MCU: variants seen among roughly 807,000 people sequenced by gnomAD.
MCU encodes mitochondrial calcium uniporter, also known as calcium uniporter protein, mitochondrial.
Under a neutral mutation model 45.2 loss-of-function variants are expected in MCU, and 12 were observed. That is an observed-to-expected ratio of 0.27 (90% CI 0.17 to 0.43). The LOEUF (loss-of-function observed/expected upper bound fraction) is 0.43, where lower values mean the gene tolerates loss of function less well. Ranked by LOEUF, MCU falls within the 20% of genes least tolerant of loss-of-function variation. The pLI is 1.00. For synonymous variants in MCU, 160 were observed against 165.1 expected, an observed-to-expected ratio of 0.97 and a Z score of 0.24; for missense variants, 324 against 436.7, an observed-to-expected ratio of 0.74 and a Z score of 2.30.
intron 2 of MCU, among the ~76,000 whole-genome samples, chr10:72,839,052 C>T (rs1007292228): frequency 1.1e-4 from 17 of 151,076 alleles, no homozygotes; most frequent in South Asian, 2.1e-4. Context: ...TGCAGTGGTG[C>T]GGTCTTGGCT....
chr10:72,868,888 T>A, intron 5 of MCU, 25 bp downstream of exon 5: 1 of 1,609,622 alleles, frequency 6.2e-7, no homozygotes, highest in South Asian at 1.1e-5. Flanking sequence ...CTCAGGTTTT[T>A]TACCTTAACC....
intron 1 of MCU, among the ~76,000 whole-genome samples, chr10:72,771,194 C>T (rs1444838039): frequency 6.6e-6 from 1 of 152,128 alleles, no homozygotes; most frequent in Non-Finnish European, 1.5e-5. Context: ...TGCTATCCCT[C>T]CCCTAGCCCC....
intron 1 of MCU, among the ~76,000 whole-genome samples, chr10:72,805,198 CTTCCTTTCTTCCTTTCCT>C (rs1178613817): frequency 2.8e-5 from 4 of 141,134 alleles, no homozygotes; most frequent in Non-Finnish European, 4.6e-5. Context: ...TCCTTCCTTC[CTTCCTTTCTTCCTTTCCT>C]TTCCTTTCCT....
At position 72,745,177 on chromosome 10, in the gene MCU, G is replaced by T. The variant is rs530206872; in HGVS notation, c.150+52876G>T. 1.1e-4 allele frequency among the ~76,000 whole-genome samples: 16 copies of T among 152,112 alleles called. No homozygotes were observed. In the East Asian group the frequency reaches 2.9e-3, roughly 28 times the overall value. On this transcript the variant is annotated intron_variant, in intron 1 of 7. Transcript: ENST00000373053. Reference sequence around the variant, plus strand: ...AAAGCAAGCTGGTTTATTTCTAAAGGTTCAGATTTTACATTTACCTAAAGT... The same window carrying T: ...AAAGCAAGCTGGTTTATTTCTAAAGTTTCAGATTTTACATTTACCTAAAGT...
At chr10:72,692,714 G>A (rs1470236760) in intron 1 of MCU, 4 of 1,262,900 alleles carry the variant, frequency 3.2e-6, no homozygotes, top group South Asian at 5.0e-5. Context: ...GGGGAGTTCT[G>A]AGTTGCCGCG....
chr10:72,766,686 A>G (rs1348160082), intron 1 of MCU: 1 of 152,180 alleles, frequency 6.6e-6, no homozygotes, highest in Non-Finnish European at 1.5e-5. Context: ...TCTGTGTAAA[A>G]TTGGTACTTC....
At chr10:72,752,118 T>C (rs1843509770) in intron 1 of MCU, among the ~76,000 whole-genome samples, 2 of 151,574 alleles carry the variant, frequency 1.3e-5, no homozygotes, top group African/African-American at 4.9e-5. Context: ...GGATTACAGG[T>C]GTGAGCCACC....
chr10:72,740,104 G>A (rs749719490), intron 1 of MCU, among the ~76,000 whole-genome samples: 6 of 152,024 alleles, frequency 3.9e-5, no homozygotes, highest in Admixed American at 3.3e-4. Flanking sequence ...TGCCATCACC[G>A]GGCACGGTGG....
chr10:72,823,286 C>A (rs944394972), intron 1 of MCU, among the ~76,000 whole-genome samples: 1 of 152,136 alleles, frequency 6.6e-6, no homozygotes, highest in Non-Finnish European at 1.5e-5. Flanking sequence ...AATTGGGCCC[C>A]GTGCATGCTT....
intron 7 of MCU, 58 bp from the exon 8 acceptor site, chr10:72,885,687 C>T: frequency 1.9e-6 from 2 of 1,055,108 alleles, no homozygotes; most frequent in South Asian, 2.6e-5. Context: ...TCTTGGTAGA[C>T]AGTAATATCA....
At chr10:72,701,827 G>A (rs1007446612) in intron 1 of MCU, among the ~76,000 whole-genome samples, 1 of 151,734 alleles carries the variant, frequency 6.6e-6, no homozygotes, top group South Asian at 2.1e-4. Context: ...CACCGTGCCC[G>A]GCCCCCACTG....
At chr10:72,855,771 G>A (rs1299151646) in intron 2 of MCU, among the ~76,000 whole-genome samples, 1 of 152,100 alleles carries the variant, frequency 6.6e-6, no homozygotes, top group East Asian at 1.9e-4. Flanking sequence ...TACATTAAAT[G>A]CAAATAATAT....
chr10:72,708,001 CAT>C (rs1842845534), intron 1 of MCU, among the ~76,000 whole-genome samples: 1 of 151,996 alleles, frequency 6.6e-6, no homozygotes, highest in Non-Finnish European at 1.5e-5. Flanking sequence ...AATTATAAAA[CAT>C]GTTGTATTTT....
At position 72,787,299 on chromosome 10, in the gene MCU, C is replaced by T. The variant is rs192665056; in HGVS notation, c.151-47060C>T. ...TCGTTTGTTTTTTGAGACAGAATCT[C>T]GCTCTGTCGCCCAGGCTGGAGTGGA... On this transcript the variant is annotated intron_variant, in intron 1 of 7. Transcript: ENST00000373053. Among the ~76,000 whole-genome samples the T allele has an allele frequency of 2.6e-5, 4 of 152,322 alleles. No individual in the cohort carries two copies. In the East Asian group the frequency reaches 5.8e-4, roughly 22 times the overall value.
At chr10:72,739,710 T>G (rs1333866214) in intron 1 of MCU, among the ~76,000 whole-genome samples, 1 of 151,990 alleles carries the variant, frequency 6.6e-6, no homozygotes, top group African/African-American at 2.4e-5. Flanking sequence ...TTTTTTTTTT[T>G]TTTGAGACCA....
chr10:72,771,066 T>TA (rs1843800018), intron 1 of MCU, among the ~76,000 whole-genome samples: 1 of 152,206 alleles, frequency 6.6e-6, no homozygotes, highest in African/African-American at 2.4e-5. Flanking sequence ...ATTATTATTA[T>TA]ACTTTAAGTT....
intron 1 of MCU, among the ~76,000 whole-genome samples, chr10:72,757,633 C>G (rs565035659): frequency 3.4e-4 from 51 of 152,184 alleles, no homozygotes; most frequent in African/African-American, 1.2e-3. Context: ...GAATTTATGC[C>G]TAGCTAGCTG....
At chr10:72,805,641 C>A (rs1432461794) in intron 1 of MCU, among the ~76,000 whole-genome samples, 1 of 151,834 alleles carries the variant, frequency 6.6e-6, no homozygotes, top group African/African-American at 2.4e-5. Context: ...CTTTTTTTCC[C>A]CCTTGCCATT....
At chr10:72,760,065 G>T (rs1467908567) in intron 1 of MCU, among the ~76,000 whole-genome samples, 2 of 148,662 alleles carry the variant, frequency 1.3e-5, no homozygotes, top group Admixed American at 6.7e-5. Context: ...TTTTTTTTGA[G>T]ACAGAGTCTA....
Sources: allele counts gnomAD v4.1 joint callset (sites outside exome capture counted in the v4.1 genomes callset), GRCh38; gene constraint gnomAD v4.1.1; transcripts MANE v1.5; gene names NCBI Gene and HGNC (gene_info 2026-07-23, HGNC 2026-07-21).